Variants in DOCK1 observed in about 807,000 individuals in gnomAD.
DOCK1 encodes the protein dedicator of cytokinesis protein 1.
A neutral mutation model predicts 262.7 loss-of-function variants in DOCK1; 138 were observed. The observed-to-expected ratio is 0.53, with a 90% CI of 0.46 to 0.61. The LOEUF (loss-of-function observed/expected upper bound fraction) is 0.61. DOCK1 is among the 20% of genes least tolerant of loss of function. The pLI, the probability that DOCK1 is intolerant of heterozygous loss-of-function variation, is 0.00. For missense variants in DOCK1, 1,908 were observed against 2,370.7 expected, an observed-to-expected ratio of 0.80 and a Z score of 4.05; for synonymous variants, 866 against 867.4, an observed-to-expected ratio of 1.00 and a Z score of 0.03.
At chr10:126,975,129 T>C (rs1176836053) in intron 2 of DOCK1, among the ~76,000 whole-genome samples, 1 of 152,114 alleles carries the variant, frequency 6.6e-6, no homozygotes, top group Non-Finnish European at 1.5e-5. Flanking sequence ...CTTGTTCTGT[T>C]TTTTATTTTC....
chr10:126,978,965 G>T (rs2038749971), intron 3 of DOCK1, among the ~76,000 whole-genome samples: 1 of 152,118 alleles, frequency 6.6e-6, no homozygotes, highest in Admixed American at 6.5e-5. Flanking sequence ...AGGATCCAGG[G>T]TGGTCCCTAT....
At chr10:126,999,543 C>T in intron 9 of DOCK1, 108 bp downstream of exon 9, 1 of 865,812 alleles carries the variant, frequency 1.2e-6, no homozygotes. Flanking sequence ...CCCTGGGATG[C>T]CTGTATACAG....
intron 27 of DOCK1, among the ~76,000 whole-genome samples, chr10:127,153,238 T>G (rs537987417): frequency 6.6e-6 from 1 of 152,358 alleles, no homozygotes; most frequent in African/African-American, 2.4e-5. Context: ...GACTATATCT[T>G]AAAATCCTAA....
intron 29 of DOCK1, among the ~76,000 whole-genome samples, chr10:127,308,767 A>T (rs2061963467): frequency 6.6e-6 from 1 of 152,134 alleles, no homozygotes; most frequent in Admixed American, 6.6e-5. Context: ...ACATGAACTC[A>T]TTCTTTTTTT....
intron 1 of DOCK1, among the ~76,000 whole-genome samples, chr10:126,955,394 G>A (rs2036649592): frequency 1.3e-5 from 2 of 152,222 alleles, no homozygotes; most frequent in African/African-American, 4.8e-5. Context: ...CCAAAGGGCT[G>A]GGATTACAGG....
chr10:126,931,878 T>C (rs1447637936), intron 1 of DOCK1, among the ~76,000 whole-genome samples: 1 of 152,242 alleles, frequency 6.6e-6, no homozygotes, highest in East Asian at 1.9e-4. Context: ...GTACCTGGCA[T>C]TATTATTAGC....
intron 1 of DOCK1, among the ~76,000 whole-genome samples, chr10:126,932,188 GAA>G (rs1224589920): frequency 6.6e-6 from 1 of 152,194 alleles, no homozygotes; most frequent in Non-Finnish European, 1.5e-5. Context: ...GGCTAAATGT[GAA>G]GTTTAAAATT....
At chr10:127,432,338 A>G (rs2069352242) in intron 47 of DOCK1, among the ~76,000 whole-genome samples, 1 of 151,600 alleles carries the variant, frequency 6.6e-6, no homozygotes, top group East Asian at 1.9e-4. Flanking sequence ...CTTACCTGTA[A>G]TCTACCGCTT....
At chr10:126,949,399 G>T (rs1591411193) in intron 1 of DOCK1, among the ~76,000 whole-genome samples, 1 of 152,106 alleles carries the variant, frequency 6.6e-6, no homozygotes, top group Non-Finnish European at 1.5e-5. Flanking sequence ...TGTCCCTTCA[G>T]CCCTGAGCCT....
intron 23 of DOCK1, among the ~76,000 whole-genome samples, chr10:127,081,579 A>C (rs540801867): frequency 5.1e-4 from 78 of 152,056 alleles, no homozygotes; most frequent in Admixed American, 1.4e-3. Context: ...TTTCCTGGTG[A>C]GTCTCTGCCC....
rs117086331 is a variant in DOCK1 at position 127,284,421 on chromosome 10, T to C, written c.3044+26992T>C. Among the ~76,000 whole-genome samples the C allele has an allele frequency of 8.5e-5, 13 of 152,356 alleles. No individual in the cohort carries two copies. The East Asian group carries it at 2.3e-3, about 27-fold the overall frequency. The stretch of plus-strand genomic sequence containing the variant: ...TATTATTTTATATTAAACTTTTTGT[T>C]TGTCTAGAATTTAATGCTTTGTATT... On this transcript the variant is annotated intron_variant, in intron 29 of 51. Coordinates refer to ENST00000623213, the MANE Select transcript of DOCK1 (RefSeq NM_001290223.2).
Position 127,061,690 on chromosome 10 carries a change from G to T in DOCK1, c.2359G>T (p.Ala787Ser). 6.2e-7 allele frequency: 1 copy of T among 1,600,226 alleles called. No individual in the cohort carries two copies. Among genetic ancestry groups the T allele is most frequent in the East Asian group, 2.3e-5 (1 of 44,444 alleles). ...CAGACTGTATGAAAACAAGGGAGAG[G>T]CTGACTTCGTGGAATCTTTGCTGCA... ...FNQLYENKGE[A>S]DFVESLLQLF... The change falls in exon 23 of 52, where the codon GCT becomes TCT. Residue 787 changes from alanine (A) to serine (S), a missense_variant. Coordinates refer to ENST00000623213, the MANE Select transcript of DOCK1 (RefSeq NM_001290223.2).
At position 127,451,654 on chromosome 10, in the gene DOCK1, G is replaced by A. The variant is rs919531158; in HGVS notation, c.*227G>A. ...AGATATGGGTCCGGGATGTGCTATC[G>A]TAGTTATCAGAGTTGGGGGCCTCTG... On this transcript the variant is annotated 3_prime_UTR_variant, in exon 52 of 52. Transcript: ENST00000623213. 5.2e-5 allele frequency: 51 copies of A among 973,990 alleles called. No homozygotes were observed. The highest frequency in any genetic ancestry group is 1.3e-4 in the Admixed American group (4 of 30,298). The allele number at this position is 973,990 out of a possible 1,614,324, so 60.3% of individuals were successfully genotyped here.
chr10:127,072,659 C>T (rs201457604), intron 23 of DOCK1, among the ~76,000 whole-genome samples: 1 of 152,172 alleles, frequency 6.6e-6, no homozygotes, highest in East Asian at 1.9e-4. Context: ...TGTGCTGCCA[C>T]TTTTGTCCAG....
At chr10:127,408,434 G>T (rs1354164021) in intron 40 of DOCK1, among the ~76,000 whole-genome samples, 1 of 152,204 alleles carries the variant, frequency 6.6e-6, no homozygotes, top group East Asian at 1.9e-4. Context: ...CACTCACTCG[G>T]GGGAGGCCAG....
chr10:127,417,914 C>T (rs1382177537), intron 44 of DOCK1, among the ~76,000 whole-genome samples: 2 of 152,048 alleles, frequency 1.3e-5, no homozygotes, highest in Non-Finnish European at 2.9e-5. Flanking sequence ...GGTGCCATGG[C>T]GGAGCCCTGC....
chr10:127,323,265 G>T (rs563571503), intron 29 of DOCK1, among the ~76,000 whole-genome samples: 10 of 152,118 alleles, frequency 6.6e-5, no homozygotes, highest in Non-Finnish European at 1.5e-4. Flanking sequence ...CCCCGTGGCC[G>T]CCCTGCCTGG....
intron 46 of DOCK1, among the ~76,000 whole-genome samples, chr10:127,425,217 G>A (rs527914027): frequency 6.6e-6 from 1 of 152,260 alleles, no homozygotes; most frequent in East Asian, 1.9e-4. Flanking sequence ...GACAGAAAGG[G>A]AGACTTTTCC....
At chr10:126,939,055 A>C (rs2034785465) in intron 1 of DOCK1, among the ~76,000 whole-genome samples, 1 of 92,520 alleles carries the variant, frequency 1.1e-5, no homozygotes. Context: ...GGGGATGAAC[A>C]CCGGGGGGGG....
Sources: gnomAD v4.1 joint callset for allele counts (sites outside exome capture counted in the v4.1 genomes callset) on GRCh38, gnomAD v4.1.1 for gene constraint, MANE v1.5 for transcripts, NCBI Gene and HGNC (gene_info 2026-07-23, HGNC 2026-07-21) for gene names.